Variants in KIAA1549L observed in about 807,000 individuals in gnomAD.
The protein encoded by KIAA1549L is KIAA1549 like.
Under a neutral mutation model 160.7 loss-of-function variants are expected in KIAA1549L, and 88 were observed. The ratio of observed to expected loss-of-function variants is 0.55; its 90% confidence interval spans 0.46 to 0.65. KIAA1549L has a LOEUF of 0.65. Among genes scored for constraint, KIAA1549L ranks in the 30% least tolerant of loss-of-function variants. The probability of loss-of-function intolerance (pLI) is 0.00; values close to 1 mark genes in which losing one functional copy is unlikely to be tolerated. For missense variants in KIAA1549L, 2,258 were observed against 2,437.5 expected, an observed-to-expected ratio of 0.93 and a Z score of 1.55; for synonymous variants, 950 against 976.7, an observed-to-expected ratio of 0.97 and a Z score of 0.51.
intron 16 of KIAA1549L, among the ~76,000 whole-genome samples, chr11:33,624,230 C>T (rs1323420123): frequency 6.6e-6 from 1 of 152,198 alleles, no homozygotes; most frequent in Non-Finnish European, 1.5e-5. Context: ...ATTGGATGTC[C>T]TTGGGTGAGG....
chr11:33,588,314 T>C (rs370226174), intron 11 of KIAA1549L, among the ~76,000 whole-genome samples: 2 of 151,904 alleles, frequency 1.3e-5, no homozygotes, highest in African/African-American at 4.8e-5. Context: ...CGTGAGGGTG[T>C]GGTACAAAAG....
intron 1 of KIAA1549L, among the ~76,000 whole-genome samples, chr11:33,429,058 G>A (rs1301238447): frequency 2.0e-5 from 3 of 152,054 alleles, no homozygotes; most frequent in Middle Eastern, 3.2e-3. Context: ...TGCAACCTCC[G>A]CCTCCCAGGT....
chr11:33,509,834 A>T (rs145671908), intron 1 of KIAA1549L, among the ~76,000 whole-genome samples: 2 of 152,172 alleles, frequency 1.3e-5, no homozygotes, highest in Non-Finnish European at 2.9e-5. Flanking sequence ...TGTCCCTCTC[A>T]TCATCCCCAG....
At chr11:33,614,574 ATATATATATATTTTTTTTTTTTTT>A (rs1850753438) in intron 15 of KIAA1549L, among the ~76,000 whole-genome samples, 4 of 13,782 alleles carry the variant, frequency 2.9e-4, no homozygotes, top group Non-Finnish European at 4.1e-4. Flanking sequence ...ATATATATAT[ATATATATATATTTTTTTTTTTTTT>A]TTTTTTTTTT....
intron 1 of KIAA1549L, among the ~76,000 whole-genome samples, chr11:33,455,528 T>C (rs934112732): frequency 5.9e-5 from 9 of 152,198 alleles, no homozygotes; most frequent in Non-Finnish European, 8.8e-5. Context: ...TGTTAGTTTC[T>C]TGTTTGGTTT....
At chr11:33,397,488 A>C (rs1269328566) in intron 1 of KIAA1549L, among the ~76,000 whole-genome samples, 1 of 151,176 alleles carries the variant, frequency 6.6e-6, no homozygotes, top group Non-Finnish European at 1.5e-5. Flanking sequence ...AGGTGGGCGG[A>C]TCACAAGGTC....
chr11:33,522,711 C>CAG (rs548481516), intron 1 of KIAA1549L, among the ~76,000 whole-genome samples: 1 of 152,088 alleles, frequency 6.6e-6, no homozygotes, highest in Non-Finnish European at 1.5e-5. Context: ...GCCTGGGTAA[C>CAG]AGAGAGAGAC....
chr11:33,490,051 G>T (rs1266219274), intron 1 of KIAA1549L, among the ~76,000 whole-genome samples: 1 of 152,156 alleles, frequency 6.6e-6, no homozygotes, highest in Non-Finnish European at 1.5e-5. Context: ...TATACAGATT[G>T]ATGGTAAATG....
intron 1 of KIAA1549L, among the ~76,000 whole-genome samples, chr11:33,406,661 C>G (rs776806255): frequency 2.0e-5 from 3 of 152,256 alleles, no homozygotes; most frequent in Non-Finnish European, 4.4e-5. Context: ...GCCCTGCACT[C>G]TTCTTTCTTA....
chr11:33,606,876 C>A, intron 14 of KIAA1549L, 54 bp downstream of exon 14: 1 of 1,459,620 alleles, frequency 6.9e-7, no homozygotes. Flanking sequence ...TTGGGAAATT[C>A]GGACGAAGGA....
In KIAA1549L at chr11:33,543,682, C is replaced by T. The variant is rs1199351130; in HGVS notation, c.2119C>T (p.Leu707Phe). The change falls in exon 2 of 21, where the codon CTT becomes TTT. Residue 707 changes from leucine (L) to phenylalanine (F), a missense_variant. By Grantham distance (22) the Leu-to-Phe change is conservative (BLOSUM62 0). This residue lies in a region of KIAA1549L where 287 missense variants were observed against 292.3 expected (regional missense o/e 0.98). Coordinates refer to ENST00000658780, the MANE Select transcript of KIAA1549L (RefSeq NM_012194.3). The part of the protein sequence containing the change: ...WSSLSAETGS[L>F]STESIISGLQ... ...TTCTCTTTCAGCAGAAACTGGATCTCTTTCCACAGAATCAATAATATCTGG... is the reference window on the plus strand; with the variant it reads ...TTCTCTTTCAGCAGAAACTGGATCTTTTTCCACAGAATCAATAATATCTGG... The T allele has an allele frequency of 1.2e-6, 2 of 1,614,028 alleles. No individual in the cohort carries two copies. Among genetic ancestry groups the T allele is most frequent in the Admixed American group, 1.7e-5 (1 of 60,030 alleles).
In KIAA1549L at chr11:33,669,540, A is replaced by T. The variant is rs542086392; in HGVS notation, c.*1386A>T. 4 of 152,328 alleles carry T rather than the reference A, an allele frequency of 2.6e-5. No individual in the cohort carries two copies. Among genetic ancestry groups the T allele is most frequent in the Admixed American group, 2.6e-4 (4 of 15,296 alleles). The allele number at this position is 152,328 out of a possible 1,614,324, so 9.4% of individuals were successfully genotyped here. A position where few individuals can be genotyped will look rare whatever the true frequency, so the allele number is the denominator to read the frequency against. On this transcript the variant is annotated 3_prime_UTR_variant, in exon 21 of 21. Transcript: ENST00000658780. ...GGGGCTTACTTGGTATCTGTTGGAGAATGAGGTCCTGTCCTGCTTTCACCC... is the reference window on the plus strand; with the variant it reads ...GGGGCTTACTTGGTATCTGTTGGAGTATGAGGTCCTGTCCTGCTTTCACCC...
chr11:33,650,272 G>GA (rs1396075265), intron 17 of KIAA1549L, among the ~76,000 whole-genome samples: 1 of 152,130 alleles, frequency 6.6e-6, no homozygotes, highest in East Asian at 1.9e-4. Context: ...TATAAGCTTA[G>GA]AAAAATCCTT....
intron 1 of KIAA1549L, among the ~76,000 whole-genome samples, chr11:33,511,368 G>A (rs1294574217): frequency 1.3e-5 from 2 of 152,168 alleles, no homozygotes; most frequent in Non-Finnish European, 2.9e-5. Context: ...CCAATGCATG[G>A]GGATACTGAT....
rs571092114 is a variant in KIAA1549L at position 33,538,553 on chromosome 11, T to C, written c.239-3249T>C. ...ATGCGCTGAGTAGGGCAGAGAATGG[T>C]GAACCTGATCCCCTTGAAAATCAAC... On this transcript the variant is annotated intron_variant, in intron 1 of 20. Coordinates refer to ENST00000658780, the MANE Select transcript of KIAA1549L (RefSeq NM_012194.3). 7.9e-5 allele frequency among the ~76,000 whole-genome samples: 12 copies of C among 152,290 alleles called. No individual in the cohort carries two copies. In the East Asian group the frequency reaches 2.1e-3, roughly 27 times the overall value.
chr11:33,642,126 C>CATCTCCT (rs1488796685), intron 16 of KIAA1549L, among the ~76,000 whole-genome samples: 1 of 152,118 alleles, frequency 6.6e-6, no homozygotes, highest in Non-Finnish European at 1.5e-5. Flanking sequence ...AGGAGTATGG[C>CATCTCCT]ATCTCCTAGA....
chr11:33,621,819 A>G (rs986480050), intron 16 of KIAA1549L, among the ~76,000 whole-genome samples: 1 of 152,154 alleles, frequency 6.6e-6, no homozygotes, highest in Non-Finnish European at 1.5e-5. Flanking sequence ...AGAAAAATGC[A>G]CCTCTTCAAC....
intron 1 of KIAA1549L, among the ~76,000 whole-genome samples, chr11:33,441,190 G>A (rs12801992): frequency 0.21 from 31,056 of 151,266 alleles, 3,651 homozygotes; most frequent in Middle Eastern, 0.31. Context: ...TTGTCCTTGC[G>A]ATAGTTTGCT....
At chr11:33,520,007 A>T (rs1040476166) in intron 1 of KIAA1549L, among the ~76,000 whole-genome samples, 1 of 151,854 alleles carries the variant, frequency 6.6e-6, no homozygotes, top group South Asian at 2.1e-4. Flanking sequence ...GCAGATATTG[A>T]ATGTGTATAA....
Sources: gnomAD v4.1 joint callset for allele counts (sites outside exome capture counted in the v4.1 genomes callset) on GRCh38, gnomAD v4.1.1 for gene constraint, gnomAD v4.1.1 regional missense constraint, MANE v1.5 for transcripts, NCBI Gene and HGNC (gene_info 2026-07-23, HGNC 2026-07-21) for gene names.